Variants in NXPE4 observed in about 807,000 individuals in gnomAD.
The protein encoded by NXPE4 is neurexophilin and PC-esterase domain family member 4.
In NXPE4, 42 loss-of-function variants were observed where a neutral mutation model predicts 33.3. That is an observed-to-expected ratio of 1.26 (90% CI 0.98 to 1.63). NXPE4 has a LOEUF of 1.63. Ranked by LOEUF, NXPE4 falls within the 40% of genes most tolerant of loss-of-function variation. The pLI, the probability that NXPE4 is intolerant of heterozygous loss-of-function variation, is 0.00. For missense variants in NXPE4, 709 were observed against 647.6 expected (o/e 1.09, Z -1.03); for synonymous variants, 253 against 234.9 (o/e 1.08, Z -0.71).
chr11:114,600,207 T>A (rs1949621291), upstream of NXPE4, among the ~76,000 whole-genome samples: 1 of 152,110 alleles, frequency 6.6e-6, no homozygotes, highest in Non-Finnish European at 1.5e-5. Flanking sequence ...GTGCAGAAAA[T>A]CAATGAACAT....
At chr11:114,646,172 C>T in the NXPE4 span, among the ~76,000 whole-genome samples, 3 of 151,942 alleles carry the variant, frequency 2.0e-5, no homozygotes, top group African/African-American at 7.2e-5. Flanking sequence ...ATTTCTATAT[C>T]TTAAACTAAC....
the NXPE4 span, among the ~76,000 whole-genome samples, chr11:114,651,540 TTGCCACTGCTGGC>T: frequency 2.6e-5 from 4 of 152,218 alleles, no homozygotes; most frequent in Non-Finnish European, 4.4e-5. Context: ...TCCGAAAAGA[TTGCCACTGCTGGC>T]TTTGCTGGCC....
chr11:114,628,850 A>G, the NXPE4 span, among the ~76,000 whole-genome samples: 4 of 152,022 alleles, frequency 2.6e-5, no homozygotes, highest in Admixed American at 2.6e-4. Context: ...ATCACCACCG[A>G]TCCCACAGAA....
the NXPE4 span, among the ~76,000 whole-genome samples, chr11:114,644,741 A>G: frequency 2.0e-5 from 3 of 152,174 alleles, no homozygotes; most frequent in East Asian, 1.9e-4. Flanking sequence ...TCTAAATGTT[A>G]TATGGAAGAG....
the NXPE4 span, among the ~76,000 whole-genome samples, chr11:114,611,205 G>A: frequency 6.6e-6 from 1 of 151,704 alleles, no homozygotes; most frequent in African/African-American, 2.4e-5. Flanking sequence ...TGGATAATAA[G>A]TAGTACTGCA....
the NXPE4 span, among the ~76,000 whole-genome samples, chr11:114,606,513 G>T: frequency 5.9e-5 from 9 of 151,880 alleles, no homozygotes; most frequent in African/African-American, 2.2e-4. Context: ...TGCCTCTAGG[G>T]TAACCACTGT....
the NXPE4 span, among the ~76,000 whole-genome samples, chr11:114,617,585 G>T: frequency 1.7e-4 from 26 of 152,138 alleles, no homozygotes; most frequent in Non-Finnish European, 3.5e-4. Flanking sequence ...GGTAACCGGT[G>T]TTACCCGGTG....
At chr11:114,606,774 A>G in the NXPE4 span, among the ~76,000 whole-genome samples, 4 of 150,510 alleles carry the variant, frequency 2.7e-5, no homozygotes, top group African/African-American at 9.8e-5. Flanking sequence ...GGTAACCACT[A>G]TTATCCAGTC....
the NXPE4 span, among the ~76,000 whole-genome samples, chr11:114,654,801 A>G: frequency 6.6e-6 from 1 of 152,186 alleles, no homozygotes; most frequent in African/African-American, 2.4e-5. Flanking sequence ...GTGTCTTTAT[A>G]GTAGAATGAT....
chr11:114,586,271 G>A (rs1357937811), intron 2 of NXPE4, among the ~76,000 whole-genome samples: 2 of 152,110 alleles, frequency 1.3e-5, no homozygotes, highest in African/African-American at 4.8e-5. Context: ...GTATGTCCAT[G>A]TCCTTGATTT....
At chr11:114,585,478 C>T (rs2135251136) in intron 2 of NXPE4, among the ~76,000 whole-genome samples, 1 of 151,974 alleles carries the variant, frequency 6.6e-6, no homozygotes, top group South Asian at 2.1e-4. Context: ...GCAGGAGTCA[C>T]TATGCTTATA....
chr11:114,579,888 A>C (rs1381893412), intron 5 of NXPE4, among the ~76,000 whole-genome samples: 2 of 152,236 alleles, frequency 1.3e-5, no homozygotes, highest in Non-Finnish European at 1.5e-5. Context: ...TACTGGGTAC[A>C]TACTGAAGTG....
the NXPE4 span, among the ~76,000 whole-genome samples, chr11:114,627,138 G>A: frequency 3.3e-5 from 5 of 151,850 alleles, no homozygotes; most frequent in African/African-American, 4.8e-5. Context: ...AGCAAGGCAG[G>A]CCAACGTTCA....
chr11:114,622,771 G>A, the NXPE4 span, among the ~76,000 whole-genome samples: 1 of 152,068 alleles, frequency 6.6e-6, no homozygotes. Context: ...TGCCTCATGG[G>A]TAATCACTGC....
chr11:114,651,796 C>T, the NXPE4 span, among the ~76,000 whole-genome samples: 1 of 152,184 alleles, frequency 6.6e-6, no homozygotes, highest in Non-Finnish European at 1.5e-5. Context: ...TTTAGCTAGA[C>T]ACAGAGTGCT....
At chr11:114,604,942 C>A in the NXPE4 span, among the ~76,000 whole-genome samples, 1 of 152,060 alleles carries the variant, frequency 6.6e-6, no homozygotes, top group Non-Finnish European at 1.5e-5. Flanking sequence ...CCACTGTTAC[C>A]TGGTGGATAA....
chr11:114,657,885 C>G, the NXPE4 span, among the ~76,000 whole-genome samples: 1 of 152,138 alleles, frequency 6.6e-6, no homozygotes, highest in Non-Finnish European at 1.5e-5. Context: ...TCATTTAACA[C>G]CATCATCTTC....
the NXPE4 span, among the ~76,000 whole-genome samples, chr11:114,611,372 A>T: frequency 1.3e-5 from 2 of 151,734 alleles, no homozygotes; most frequent in Admixed American, 1.3e-4. Context: ...GTGGATAATA[A>T]GTGTTGCCTC....
the NXPE4 span, among the ~76,000 whole-genome samples, chr11:114,654,397 G>C: frequency 6.6e-6 from 1 of 151,844 alleles, no homozygotes; most frequent in Non-Finnish European, 1.5e-5. Context: ...GAATGTGCAG[G>C]TTTGTTACAT....
Sources: gnomAD v4.1 joint callset for allele counts (sites outside exome capture counted in the v4.1 genomes callset) on GRCh38, gnomAD v4.1.1 for gene constraint, MANE v1.5 for transcripts, NCBI Gene and HGNC (gene_info 2026-07-23, HGNC 2026-07-21) for gene names.